NOSIP: variants seen among roughly 807,000 people sequenced by gnomAD.
NOSIP encodes nitric oxide synthase-interacting protein.
Under a neutral mutation model 36.4 loss-of-function variants are expected in NOSIP, and 25 were observed. The observed-to-expected ratio is 0.69, with a 90% CI of 0.50 to 0.96. NOSIP has a LOEUF of 0.96. NOSIP is among the 40% of genes least tolerant of loss of function. NOSIP has a pLI of 0.00. For missense variants in NOSIP, 370 were observed against 429.0 expected (o/e 0.86, Z 1.21); for synonymous variants, 187 against 179.2 (o/e 1.04, Z -0.35).
chr19:49,570,945 C>T (rs1367595352), intron 1 of NOSIP, among the ~76,000 whole-genome samples: 1 of 152,030 alleles, frequency 6.6e-6, no homozygotes, highest in Non-Finnish European at 1.5e-5. Flanking sequence ...ATAGGAGGAA[C>T]ACCTATAGAG....
chr19:49,578,271 C>T (rs914003927), intron 1 of NOSIP, among the ~76,000 whole-genome samples: 4 of 151,804 alleles, frequency 2.6e-5, no homozygotes, highest in South Asian at 2.1e-4. Context: ...TTATAGGTGC[C>T]AGCCACCATG....
intron 1 of NOSIP, among the ~76,000 whole-genome samples, chr19:49,575,542 C>T (rs2080540888): frequency 6.6e-6 from 1 of 152,158 alleles, no homozygotes; most frequent in South Asian, 2.1e-4. Flanking sequence ...AATCACCTGA[C>T]AGCTGAATGG....
intron 1 of NOSIP, among the ~76,000 whole-genome samples, chr19:49,573,857 AT>A (rs560191336): frequency 0.083 from 10,748 of 129,336 alleles, 361 homozygotes; most frequent in African/African-American, 0.15. Flanking sequence ...GGACTGAAGT[AT>A]TTTTTTTTTT....
At chr19:49,569,462 T>A (rs1167531595) in intron 1 of NOSIP, among the ~76,000 whole-genome samples, 1 of 146,680 alleles carries the variant, frequency 6.8e-6, no homozygotes, top group East Asian at 2.2e-4. Flanking sequence ...CCTTCCAAAG[T>A]GCTGGGATTA....
intron 1 of NOSIP, among the ~76,000 whole-genome samples, chr19:49,576,503 G>C (rs2080554704): frequency 6.6e-6 from 1 of 152,016 alleles, no homozygotes; most frequent in African/African-American, 2.4e-5. Context: ...CTTGATCCCA[G>C]GAGGTTGAGG....
At chr19:49,565,769 A>AAAAAG (rs1555734899) in intron 1 of NOSIP, among the ~76,000 whole-genome samples, 4 of 139,992 alleles carry the variant, frequency 2.9e-5, no homozygotes, top group African/African-American at 9.3e-5. Context: ...AAAGAAAAAA[A>AAAAAG]AAAGAAAGAA....
intron 1 of NOSIP, among the ~76,000 whole-genome samples, chr19:49,562,973 A>T (rs932003811): frequency 1.3e-5 from 2 of 152,220 alleles, no homozygotes; most frequent in Admixed American, 1.3e-4. Flanking sequence ...AAGCTTAAAC[A>T]GTTGCAAAGG....
In NOSIP at chr19:49,560,004, T is replaced by C. The variant is rs960368965; in HGVS notation, c.106A>G (p.Ser36Gly). 1.2e-6 allele frequency: 2 copies of C among 1,613,818 alleles called. No individual in the cohort carries two copies. The highest frequency in any genetic ancestry group is 1.7e-5 in the Admixed American group (1 of 59,966). ...SGYGTQNIRL[S>G]RDAVKDFDCC... ...TCGAAGTCCTTCACGGCATCCCGGC[T>C]CAGTCGAATGTTCTGGGTCCCATAG... Residue 36 changes from serine (S) to glycine (G), a missense_variant, in exon 3 of 9, where the codon AGC becomes GGC. By Grantham distance (56) the Ser-to-Gly change is moderately conservative (BLOSUM62 0). Around this residue, in one of 3 missense-constraint regions of NOSIP, gnomAD observed 37 missense variants for 60.2 expected, o/e 0.61. Coordinates refer to ENST00000596358, the MANE Select transcript of NOSIP (RefSeq NM_001270960.2). This position sits in a 1 kb window ranked among gnomAD's most constrained non-coding sequence, Gnocchi z 4.6.
intron 1 of NOSIP, among the ~76,000 whole-genome samples, chr19:49,573,549 T>A (rs1474687313): frequency 6.6e-6 from 1 of 152,012 alleles, no homozygotes; most frequent in Admixed American, 6.6e-5. Flanking sequence ...ATGAACCACC[T>A]CCAATCCTAG....
At chr19:49,564,836 G>A (rs997735719) in intron 1 of NOSIP, among the ~76,000 whole-genome samples, 2 of 152,170 alleles carry the variant, frequency 1.3e-5, no homozygotes, top group Non-Finnish European at 2.9e-5. Flanking sequence ...ACCCAGCAAT[G>A]AGACACAACA....
Position 49,555,595 on chromosome 19 carries a change from C to CT in NOSIP, c.*155dup. 1 of 626,796 alleles carries CT rather than the reference C, an allele frequency of 1.6e-6. No individual in the cohort carries two copies. Among genetic ancestry groups the CT allele is most frequent in the South Asian group, 1.9e-5 (1 of 52,816 alleles). 38.8% of individuals were successfully genotyped at this position (626,796 alleles called of 1,614,324 possible). The stretch of plus-strand genomic sequence containing the variant: ...TTAATGTGAGACCACATTCAATATG[C>CT]TTAGCCCGCTCTTTCAAACTCCAGC... On this transcript the variant is annotated 3_prime_UTR_variant, in exon 9 of 9. Coordinates refer to ENST00000596358, the MANE Select transcript of NOSIP (RefSeq NM_001270960.2).
intron 1 of NOSIP, among the ~76,000 whole-genome samples, chr19:49,567,356 C>T (rs1028598023): frequency 5.0e-5 from 7 of 141,394 alleles, no homozygotes; most frequent in African/African-American, 1.8e-4. Context: ...CTCCTGACCT[C>T]GTGATCCGCC....
intron 3 of NOSIP, chr19:49,559,656 A>G (rs1599747515): frequency 2.1e-6 from 1 of 467,346 alleles, no homozygotes; most frequent in South Asian, 2.1e-5. Context: ...GAGGTAGGTC[A>G]TGGGAAGTGT....
chr19:49,568,799 T>TTG (rs1243756253), intron 1 of NOSIP, among the ~76,000 whole-genome samples: 1 of 94,586 alleles, frequency 1.1e-5, no homozygotes, highest in Non-Finnish European at 1.8e-5. Context: ...AAAAAAATAG[T>TTG]TTGTTTGTTT....
chr19:49,579,864 T>C (rs928880041), intron 1 of NOSIP, among the ~76,000 whole-genome samples: 1 of 152,130 alleles, frequency 6.6e-6, no homozygotes, highest in African/African-American at 2.4e-5. Context: ...CTCACTTTTA[T>C]ATAAGTTTGA....
chr19:49,573,818 T>TATG (rs2080517012), intron 1 of NOSIP, among the ~76,000 whole-genome samples: 1 of 151,216 alleles, frequency 6.6e-6, no homozygotes, highest in African/African-American at 2.4e-5. Context: ...ATGTATGTAT[T>TATG]TATTTTGGAG....
intron 8 of NOSIP, 147 bp downstream of exon 8, chr19:49,556,170 C>CGGG (rs1167222563): frequency 6.6e-4 from 149 of 227,064 alleles, no homozygotes; most frequent in Admixed American, 2.5e-3. Flanking sequence ...CAGGAGAAAG[C>CGGG]GGGGGGGGGG....
intron 8 of NOSIP, 78 bp downstream of exon 8, chr19:49,556,239 G>A: frequency 1.5e-6 from 1 of 687,758 alleles, no homozygotes; most frequent in Non-Finnish European, 2.3e-6. Context: ...GAAGGGGAGG[G>A]GACGAAGCCT....
intron 1 of NOSIP, among the ~76,000 whole-genome samples, chr19:49,574,857 G>A (rs964656430): frequency 1.3e-5 from 2 of 151,378 alleles, no homozygotes; most frequent in Non-Finnish European, 2.9e-5. Flanking sequence ...CACCATGCCT[G>A]GCTAATTTTT....
Sources: allele counts gnomAD v4.1 joint callset (sites outside exome capture counted in the v4.1 genomes callset), GRCh38; gene constraint gnomAD v4.1.1; regional missense constraint gnomAD v4.1.1; non-coding constraint Gnocchi (gnomAD v3.1); transcripts MANE v1.5; gene names NCBI Gene and HGNC (gene_info 2026-07-23, HGNC 2026-07-21).